BTD: variants seen among roughly 807,000 people sequenced by gnomAD.
The protein encoded by BTD is biocytinase.
Under a neutral mutation model 17.7 loss-of-function variants are expected in BTD, and 13 were observed. The ratio of observed to expected loss-of-function variants is 0.74; its 90% CI spans 0.48 to 1.17. The LOEUF (loss-of-function observed/expected upper bound fraction) is 1.17. Ranked by LOEUF, BTD falls within the 50% of genes most tolerant of loss-of-function variation. The pLI, the probability that BTD is intolerant of heterozygous loss-of-function variation, is 0.00. For synonymous variants in BTD, 240 were observed against 245.2 expected, an observed-to-expected ratio of 0.98 and a Z score of 0.20; for missense variants, 674 against 650.4, an observed-to-expected ratio of 1.04 and a Z score of -0.39.
intron 1 of BTD, among the ~76,000 whole-genome samples, chr3:15,609,267 T>A (rs552823310): frequency 4.7e-4 from 72 of 152,266 alleles, no homozygotes; most frequent in African/African-American, 1.5e-3. Flanking sequence ...AAGAAATACA[T>A]CACAAATATA....
intron 3 of BTD, among the ~76,000 whole-genome samples, chr3:15,708,543 C>T (rs1034657230): frequency 6.6e-6 from 1 of 152,036 alleles, no homozygotes; most frequent in Non-Finnish European, 1.5e-5. Flanking sequence ...ACCCTCTCAA[C>T]TCAAAGCATT....
At chr3:15,660,185 G>C (rs536235882) in intron 3 of BTD, among the ~76,000 whole-genome samples, 1 of 152,136 alleles carries the variant, frequency 6.6e-6, no homozygotes, top group Non-Finnish European at 1.5e-5. Context: ...TTTGCCCAGG[G>C]TCACCCAGCT....
chr3:15,711,117 G>T, exon 4 of BTD: 7 of 1,048,528 alleles, frequency 6.7e-6, no homozygotes, highest in South Asian at 3.6e-5. Context: ...CTATTTTCTG[G>T]CAGCCCAGAA....
intron 1 of BTD, among the ~76,000 whole-genome samples, chr3:15,620,843 G>A (rs139033005): frequency 2.0e-5 from 3 of 152,302 alleles, no homozygotes; most frequent in East Asian, 1.9e-4. Flanking sequence ...AGAGATATAC[G>A]AAAGAGATTT....
chr3:15,602,153 G>C, intron 1 of BTD: 1 of 1,412,990 alleles, frequency 7.1e-7, no homozygotes, highest in Admixed American at 2.9e-5. Flanking sequence ...AATTATTGTA[G>C]CGCACGTTAC....
downstream of BTD, among the ~76,000 whole-genome samples, chr3:15,653,873 G>A (rs929046287): frequency 5.9e-5 from 9 of 152,226 alleles, no homozygotes; most frequent in Non-Finnish European, 1.3e-4. Flanking sequence ...AGGATGCAAA[G>A]TCACATAAGA....
At chr3:15,695,463 CTATAT>C (rs1399749396) in intron 3 of BTD, among the ~76,000 whole-genome samples, 1 of 152,112 alleles carries the variant, frequency 6.6e-6, no homozygotes, top group Non-Finnish European at 1.5e-5. Context: ...GCTCTAAGTG[CTATAT>C]TAAATTGTCA....
In BTD at chr3:15,644,382, A is replaced by G; in HGVS notation, c.466A>G (p.Lys156Glu). The change falls in exon 4 of 4, where the codon AAG becomes GAG. Residue 156 changes from lysine (K) to glutamate (E), a missense_variant. Coordinates refer to ENST00000643237, the MANE Select transcript of BTD (RefSeq NM_001370658.1). ...DMFLVANLGT[K>E]EPCHSSDPRC... Reference sequence around the variant, plus strand: ...GTTCTTGGTGGCCAATCTTGGGACAAAGGAGCCTTGTCATAGCAGTGACCC... The same window carrying G: ...GTTCTTGGTGGCCAATCTTGGGACAGAGGAGCCTTGTCATAGCAGTGACCC... 2 of 1,614,122 alleles carry G rather than the reference A, an allele frequency of 1.2e-6. No individual in the cohort carries two copies. Among genetic ancestry groups the G allele is most frequent in the East Asian group, 2.2e-5 (1 of 44,882 alleles).
At chr3:15,679,569 T>C (rs2067302605) in intron 3 of BTD, 1 of 1,605,170 alleles carries the variant, frequency 6.2e-7, no homozygotes. Context: ...GTGACCTAAA[T>C]AGGTGTAAAG....
chr3:15,690,338 C>A (rs2068629373), intron 3 of BTD: 3 of 819,442 alleles, frequency 3.7e-6, no homozygotes, highest in South Asian at 2.0e-5. Flanking sequence ...TTGAGATAAT[C>A]CAAACTTCTA....
At chr3:15,715,041 T>TA (rs2126103318), downstream of BTD, among the ~76,000 whole-genome samples, 2 of 152,164 alleles carry the variant, frequency 1.3e-5, no homozygotes, top group South Asian at 2.1e-4. Context: ...TGGATACATT[T>TA]AAAAAAATAA....
chr3:15,677,340 T>C (rs1017095082), intron 3 of BTD: 2 of 649,082 alleles, frequency 3.1e-6, no homozygotes, highest in African/African-American at 1.8e-5. Context: ...GCCTTATAAG[T>C]CAATTTTGTT....
intron 3 of BTD, among the ~76,000 whole-genome samples, chr3:15,659,937 A>C (rs2065906343): frequency 6.6e-6 from 1 of 152,250 alleles, no homozygotes; most frequent in Non-Finnish European, 1.5e-5. Flanking sequence ...CCCAAAGGTC[A>C]CACAGCCAAA....
At chr3:15,678,142 G>A (rs955389308) in intron 3 of BTD, 6 of 1,433,224 alleles carry the variant, frequency 4.2e-6, no homozygotes, top group Non-Finnish European at 5.6e-6. Context: ...CAGAAGTCTT[G>A]GGATCTAAGT....
chr3:15,622,628 A>T (rs1223421196), intron 1 of BTD, among the ~76,000 whole-genome samples: 1 of 152,212 alleles, frequency 6.6e-6, no homozygotes, highest in Non-Finnish European at 1.5e-5. Flanking sequence ...TCTGGATTTT[A>T]TCCATTACTG....
chr3:15,711,369 A>T (rs1313083910), exon 4 of BTD: 1 of 1,024,564 alleles, frequency 9.8e-7, no homozygotes, highest in East Asian at 2.5e-5. Context: ...CTCCCCTCCA[A>T]TCCCAAACAA....
At chr3:15,612,067 T>C (rs1466171819) in intron 1 of BTD, among the ~76,000 whole-genome samples, 1 of 152,184 alleles carries the variant, frequency 6.6e-6, no homozygotes, top group Non-Finnish European at 1.5e-5. Flanking sequence ...CTCTTATTTT[T>C]ATTTCCTTCC....
At chr3:15,702,884 A>ATTAT (rs2070819173) in intron 3 of BTD, among the ~76,000 whole-genome samples, 1 of 152,000 alleles carries the variant, frequency 6.6e-6, no homozygotes, top group East Asian at 1.9e-4. Flanking sequence ...TTATAGGAAG[A>ATTAT]TTAGGATACG....
rs182231968 is a variant in BTD, at chr3:15,614,604, T to C, written c.-17+12710T>C. 1.3e-4 allele frequency among the ~76,000 whole-genome samples: 20 copies of C among 151,072 alleles called. 2 individuals are homozygous for C. The East Asian group carries it at 3.3e-3, about 25-fold the overall frequency. The stretch of plus-strand genomic sequence containing the variant: ...TATTTGACAATATCTTTTTCTTTTT[T>C]TTTTTTTTTTTGACACAGAGTCTCT... On this transcript the variant is annotated intron_variant, in intron 1 of 3. Coordinates refer to ENST00000643237, the MANE Select transcript of BTD (RefSeq NM_001370658.1).
Sources: gnomAD v4.1 joint callset for allele counts (sites outside exome capture counted in the v4.1 genomes callset) on GRCh38, gnomAD v4.1.1 for gene constraint, MANE v1.5 for transcripts, NCBI Gene and HGNC (gene_info 2026-07-23, HGNC 2026-07-21) for gene names.